The following FAT3 variants were observed in gnomAD, a reference collection of about 807,000 sequenced individuals.
The protein encoded by FAT3 is FAT atypical cadherin 3.
A neutral mutation model predicts 310.2 loss-of-function variants in FAT3; 95 were observed. That is an observed-to-expected ratio of 0.31 (90% CI 0.26 to 0.36). The LOEUF (loss-of-function observed/expected upper bound fraction) is 0.36. Ranked by LOEUF, FAT3 falls within the 10% of genes least tolerant of loss-of-function variation. The pLI is 1.00. For synonymous variants in FAT3, 2,314 were observed against 2,192.9 expected (o/e 1.06, Z -1.54); for missense variants, 5,408 against 5,715.6 (o/e 0.95, Z 1.74).
intron 3 of FAT3, among the ~76,000 whole-genome samples, chr11:92,666,682 T>C (rs1310868406): frequency 1.3e-5 from 2 of 152,008 alleles, no homozygotes; most frequent in Non-Finnish European, 2.9e-5. Flanking sequence ...TAAGACACAT[T>C]CTTAAGGGGT....
At chr11:92,688,759 T>C (rs1244466359) in intron 3 of FAT3, among the ~76,000 whole-genome samples, 1 of 152,206 alleles carries the variant, frequency 6.6e-6, no homozygotes, top group African/African-American at 2.4e-5. Context: ...CTCATGATGC[T>C]AATGCATGCT....
chr11:92,418,485 G>C (rs559576355), intron 2 of FAT3, among the ~76,000 whole-genome samples: 1 of 119,692 alleles, frequency 8.4e-6, no homozygotes, highest in Non-Finnish European at 1.6e-5. Flanking sequence ...TTTTGGCATC[G>C]ATTAGACTCT....
At chr11:92,563,348 C>A (rs1222339922) in intron 3 of FAT3, among the ~76,000 whole-genome samples, 2 of 152,136 alleles carry the variant, frequency 1.3e-5, no homozygotes, top group African/African-American at 4.8e-5. Context: ...GGCCTTCCAA[C>A]TTTTTGATCA....
chr11:92,569,917 C>G (rs941968556), intron 3 of FAT3, among the ~76,000 whole-genome samples: 1 of 152,082 alleles, frequency 6.6e-6, no homozygotes, highest in African/African-American at 2.4e-5. Flanking sequence ...TGACTTTGAG[C>G]ACTTCATCTC....
At chr11:92,513,959 G>T (rs1953392025) in intron 2 of FAT3, among the ~76,000 whole-genome samples, 1 of 152,114 alleles carries the variant, frequency 6.6e-6, no homozygotes, top group South Asian at 2.1e-4. Context: ...TTGGCATGTG[G>T]CATATGGGGA....
intron 1 of FAT3, among the ~76,000 whole-genome samples, chr11:92,314,786 A>G (rs1565220220): frequency 6.6e-6 from 1 of 152,318 alleles, no homozygotes; most frequent in East Asian, 1.9e-4. Flanking sequence ...TACAGGGCCA[A>G]GCTTTTTTAC....
chr11:92,702,418 C>T (rs766043544), intron 4 of FAT3, among the ~76,000 whole-genome samples: 11 of 152,330 alleles, frequency 7.2e-5, no homozygotes, highest in Admixed American at 1.3e-4. Context: ...GGCTTCTTTT[C>T]GTCTGCATGA....
chr11:92,712,603 A>G (rs932663486), intron 4 of FAT3, among the ~76,000 whole-genome samples: 1 of 146,764 alleles, frequency 6.8e-6, no homozygotes, highest in Non-Finnish European at 1.5e-5. Flanking sequence ...GAAAAAAAAT[A>G]TATTCTTACC....
intron 1 of FAT3, among the ~76,000 whole-genome samples, chr11:92,248,422 C>T (rs551265780): frequency 5.0e-4 from 76 of 152,092 alleles, no homozygotes; most frequent in Non-Finnish European, 9.1e-4. Context: ...GATGTAAATA[C>T]GAAAGGTAAT....
At chr11:92,823,637 T>C (rs1040418197) in intron 13 of FAT3, among the ~76,000 whole-genome samples, 1 of 152,192 alleles carries the variant, frequency 6.6e-6, no homozygotes, top group African/African-American at 2.4e-5. Flanking sequence ...TGGGAAGTCC[T>C]CAACAGATTT....
chr11:92,764,357 T>C (rs1240136831), intron 5 of FAT3, among the ~76,000 whole-genome samples: 2 of 152,116 alleles, frequency 1.3e-5, no homozygotes, highest in Admixed American at 6.5e-5. Context: ...CCTGTGCTGC[T>C]ATCAATCACA....
At chr11:92,474,628 C>T (rs548066469) in intron 2 of FAT3, among the ~76,000 whole-genome samples, 1 of 152,214 alleles carries the variant, frequency 6.6e-6, no homozygotes, top group African/African-American at 2.4e-5. Flanking sequence ...GAACAGGAGA[C>T]TCCAGGAGCT....
intron 1 of FAT3, among the ~76,000 whole-genome samples, chr11:92,265,248 C>G (rs1446707331): frequency 6.6e-6 from 1 of 151,682 alleles, no homozygotes; most frequent in Admixed American, 6.6e-5. Flanking sequence ...CTTGACTAGA[C>G]TAGGAACAAA....
intron 3 of FAT3, among the ~76,000 whole-genome samples, chr11:92,573,344 A>G (rs1241542851): frequency 1.3e-5 from 2 of 152,104 alleles, no homozygotes; most frequent in Non-Finnish European, 2.9e-5. Context: ...ATCACCCCAC[A>G]TCCCAGCAGG....
intron 4 of FAT3, among the ~76,000 whole-genome samples, chr11:92,743,719 T>G (rs990606063): frequency 1.3e-5 from 2 of 152,192 alleles, no homozygotes; most frequent in Non-Finnish European, 2.9e-5. Flanking sequence ...AATGTGGCAG[T>G]ATTGGATGAC....
At position 92,857,080 on chromosome 11, in the gene FAT3, G is replaced by T. The variant is rs1213191098; in HGVS notation, c.11366-134G>T. Reference sequence around the variant, plus strand: ...GTGCCTACTTCTGAGTGGCATCTTTGTGACTCAGCTCAGAGCCCACATATC... The same window carrying T: ...GTGCCTACTTCTGAGTGGCATCTTTTTGACTCAGCTCAGAGCCCACATATC... On this transcript the variant is annotated intron_variant, in intron 19 of 27. Transcript: ENST00000525166. The T allele has an allele frequency of 7.7e-6, 10 of 1,302,312 alleles. No homozygotes were observed. The East Asian group carries it at 1.9e-4, about 24-fold the overall frequency. The allele number at this position is 1,302,312 out of a possible 1,614,324, so 80.7% of individuals were successfully genotyped here.
intron 2 of FAT3, among the ~76,000 whole-genome samples, chr11:92,405,567 GGC>G (rs1950120227): frequency 6.6e-6 from 1 of 152,156 alleles, no homozygotes; most frequent in Admixed American, 6.5e-5. Flanking sequence ...GACCAGCCTG[GGC>G]AACATAACAA....
At chr11:92,534,275 C>T (rs775685087) in intron 3 of FAT3, among the ~76,000 whole-genome samples, 17 of 151,880 alleles carry the variant, frequency 1.1e-4, no homozygotes, top group African/African-American at 4.1e-4. Context: ...AACCACAGTC[C>T]TGGGGGGGGA....
chr11:92,701,187 T>C (rs1175104231), intron 4 of FAT3, among the ~76,000 whole-genome samples: 1 of 152,190 alleles, frequency 6.6e-6, no homozygotes, highest in Non-Finnish European at 1.5e-5. Context: ...TTGACTCTTC[T>C]TGAAAGGACC....
Sources: allele counts gnomAD v4.1 joint callset (sites outside exome capture counted in the v4.1 genomes callset), GRCh38; gene constraint gnomAD v4.1.1; transcripts MANE v1.5; gene names NCBI Gene and HGNC (gene_info 2026-07-23, HGNC 2026-07-21).